Variants in ITIH6 observed in about 807,000 individuals in gnomAD.
ITIH6 encodes the protein inter-alpha-trypsin inhibitor heavy chain family member 6, also known as inter-alpha-trypsin inhibitor heavy chain H6.
A neutral mutation model predicts 58.2 loss-of-function variants in ITIH6; 60 were observed. The observed-to-expected ratio is 1.03, with a 90% CI of 0.84 to 1.28. The LOEUF (loss-of-function observed/expected upper bound fraction) is 1.28, where lower values mean the gene tolerates loss of function less well. Among genes scored for constraint, ITIH6 ranks in the 50% most tolerant of loss-of-function variants. The probability of loss-of-function intolerance (pLI) is 0.00; values close to 1 mark genes in which losing one functional copy is unlikely to be tolerated. For missense variants in ITIH6, 1,290 were observed against 1,021.1 expected (o/e 1.26, Z -3.59); for synonymous variants, 493 against 417.4 (o/e 1.18, Z -2.21).
At position 54,757,068 on chromosome X, in the gene ITIH6, G is replaced by T; in HGVS notation, c.3006C>A (p.Leu1002=). Residue 1002 remains leucine, a synonymous_variant, in exon 8 of 13, where the codon CTC becomes CTA. Transcript: ENST00000218436. ...CAGACAGCAGCTCTAGCTCCTCAGGGAGAAGGAGCAGACTGATGGCCTCAG... is the reference window on the plus strand; with the variant it reads ...CAGACAGCAGCTCTAGCTCCTCAGGTAGAAGGAGCAGACTGATGGCCTCAG... ...ILPEAISLLL[L]PEELELLSES... is the part of the protein sequence containing the mutation. 1 of 1,210,388 alleles carries T rather than the reference G, an allele frequency of 8.3e-7. No homozygotes were observed. The highest frequency in any genetic ancestry group is 1.1e-6 in the Non-Finnish European group (1 of 894,260).
intron 5 of ITIH6, among the ~76,000 whole-genome samples, chrX:54,775,851 G>A (rs1929039836): frequency 9.0e-6 from 1 of 111,577 alleles, no homozygotes; most frequent in African/African-American, 3.3e-5. Flanking sequence ...AAACTCAATG[G>A]CTGGAAGATG....
intron 6 of ITIH6, among the ~76,000 whole-genome samples, chrX:54,761,210 A>C (rs1385804384): frequency 1.8e-5 from 2 of 111,975 alleles, no homozygotes; most frequent in East Asian, 2.8e-4. Flanking sequence ...ATTTTTTCAT[A>C]TGTCTGTTGG....
In ITIH6 at chrX:54,757,028, A is replaced by T. The variant is rs1312403673; in HGVS notation, c.3046T>A (p.Ser1016Thr). The part of the protein sequence containing the change: ...LELLSESMVE[S>T]KFVESLNPPA... ...GGGTTCAAGGACTCCACGAACTTGG[A>T]TTCCACCATTGATTCAGACAGCAGC... Residue 1016 changes from serine to threonine, a missense_variant, in exon 8 of 13, where the codon TCC (serine) becomes ACC (threonine). Ser to Thr is a moderately conservative substitution (Grantham distance 58). Transcript: ENST00000218436. 6.6e-6 allele frequency: 8 copies of T among 1,210,426 alleles called. No individual in the cohort carries two copies. Among genetic ancestry groups the T allele is most frequent in the Non-Finnish European group, 7.8e-6 (7 of 894,918 alleles).
At chrX:54,784,249 C>T (rs143221407) in intron 5 of ITIH6, among the ~76,000 whole-genome samples, 2,081 of 111,647 alleles carry the variant, frequency 0.019, 37 homozygotes, top group African/African-American at 0.062. Context: ...TACAAGAAAA[C>T]CTTGGGAAAA....
intron 6 of ITIH6, 110 bp from the exon 7 acceptor site, chrX:54,760,037 ACT>A (rs1048763205): frequency 1.9e-5 from 11 of 593,206 alleles, no homozygotes; most frequent in Admixed American, 1.3e-4. Context: ...TGGTTTTAAG[ACT>A]CTCTGACTGC....
rs764024559 is a variant in ITIH6, at chrX:54,757,934, C to T, written c.2140G>A (p.Gly714Ser). 12 of 1,209,906 alleles carry T rather than the reference C, an allele frequency of 9.9e-6. No individual in the cohort carries two copies. The Middle Eastern group carries it at 6.9e-4, about 69-fold the overall frequency. ...KAKIPAQQDS[G>S]TLAQPTLRTK... ...CTGAGAGTTGGCTGGGCCAAGGTGC[C>T]AGAATCCTGTTGTGCTGGAATTTTG... The change falls in exon 8 of 13, where the codon GGC becomes AGC. Residue 714 changes from glycine to serine, a missense_variant. By Grantham distance (56) the Gly-to-Ser change is moderately conservative (BLOSUM62 0). Transcript: ENST00000218436.
chrX:54,777,598 C>T (rs1472240771), intron 5 of ITIH6, among the ~76,000 whole-genome samples: 1 of 110,420 alleles, frequency 9.1e-6, no homozygotes, highest in East Asian at 2.8e-4. Context: ...TCAGGTGGCT[C>T]ACAACAGAGA....
chrX:54,779,161 G>T (rs932084380), intron 5 of ITIH6, among the ~76,000 whole-genome samples: 3 of 112,027 alleles, frequency 2.7e-5, no homozygotes, highest in African/African-American at 9.7e-5. Context: ...GACAGTAAAG[G>T]ATGTTACTGA....
Position 54,797,105 on chromosome X carries a change from G to A in ITIH6, c.103-9C>T. ...TAGCTTGTCATTAACAACTGAGAGA[G>A]AAGACAGGAGGAGGTGTTTTAGGTA... On this transcript the variant is annotated splice_polypyrimidine_tract_variant and intron_variant, in intron 1 of 12. Transcript: ENST00000218436. 8.3e-7 allele frequency: 1 copy of A among 1,204,996 alleles called. No individual in the cohort carries two copies. The highest frequency in any genetic ancestry group is 1.1e-6 in the Non-Finnish European group (1 of 890,857).
In ITIH6 at chrX:54,756,964, C is replaced by G. The variant is rs1017958759; in HGVS notation, c.3109+1G>C. ...CTCGACCTCTTACCCATGGCACTCACCATCTTCATCAGGAGTGAGGAAGGT... is the reference window on the plus strand; with the variant it reads ...CTCGACCTCTTACCCATGGCACTCAGCATCTTCATCAGGAGTGAGGAAGGT... On this transcript the variant is annotated splice_donor_variant, in intron 8 of 12. Coordinates refer to ENST00000218436, the MANE Select transcript of ITIH6 (RefSeq NM_198510.3). LOFTEE classifies it high-confidence loss of function. The G allele has an allele frequency of 3.5e-6, 4 of 1,151,729 alleles. No individual in the cohort carries two copies. The African/African-American group carries it at 7.1e-5, about 20-fold the overall frequency. The allele number at this position is 1,151,729 out of a possible 1,213,427, so 94.9% of individuals were successfully genotyped here. A position where few individuals can be genotyped will look rare whatever the true frequency, so the allele number is the denominator to read the frequency against.
rs150808911 is a variant in ITIH6 at position 54,758,925 on chromosome X, G to A, written c.1149C>T (p.Gly383=). The change falls in exon 8 of 13, where the codon GGC becomes GGT. Residue 383 remains glycine (G), a synonymous_variant. Transcript: ENST00000218436. The part of the protein sequence containing the change: ...LNHSNQEPGR[G]PSVGRIPLII... Reference sequence around the variant, plus strand: ...TAAGAGGGATCCTCCCCACACTGGGGCCCCTCCCAGGCTCCTGGTTGCTAT... The same window carrying A: ...TAAGAGGGATCCTCCCCACACTGGGACCCCTCCCAGGCTCCTGGTTGCTAT... 3.1e-5 allele frequency: 37 copies of A among 1,203,685 alleles called. 1 individual carries two copies. In the African/African-American group the frequency reaches 4.2e-4, roughly 14 times the overall value.
intron 6 of ITIH6, among the ~76,000 whole-genome samples, chrX:54,768,600 C>T (rs920958095): frequency 6.5e-5 from 7 of 108,445 alleles, no homozygotes; most frequent in Non-Finnish European, 9.5e-5. Context: ...GTGACAAAAT[C>T]GGTCAGCATT....
chrX:54,766,186 C>G (rs1928780795), intron 6 of ITIH6, among the ~76,000 whole-genome samples: 1 of 110,253 alleles, frequency 9.1e-6, no homozygotes, highest in South Asian at 4.0e-4. Context: ...TGATTTGGCT[C>G]TCTGTCTGTT....
rs751637205 is a variant in ITIH6 at position 54,790,392 on chromosome X, C to A, written c.616+445G>T. ...AGCAAACTTCTGAGGCAGGATGCTT[C>A]TCTTCCCTCCAGGGCCTGAGATGGT... On this transcript the variant is annotated intron_variant, in intron 4 of 12. Coordinates refer to ENST00000218436, the MANE Select transcript of ITIH6 (RefSeq NM_198510.3). 6.2e-5 allele frequency among the ~76,000 whole-genome samples: 7 copies of A among 112,367 alleles called. No individual in the cohort carries two copies. In the South Asian group the frequency reaches 2.6e-3, roughly 42 times the overall value.
chrX:54,760,572 A>T (rs1036556396), intron 6 of ITIH6, among the ~76,000 whole-genome samples: 1 of 111,332 alleles, frequency 9.0e-6, no homozygotes, highest in African/African-American at 3.3e-5. Context: ...TATATCTCCT[A>T]ATGCTATCCT....
intron 6 of ITIH6, among the ~76,000 whole-genome samples, chrX:54,770,046 G>T (rs1211936949): frequency 8.9e-6 from 1 of 111,964 alleles, no homozygotes; most frequent in Non-Finnish European, 1.9e-5. Flanking sequence ...GTGGGCGTAG[G>T]ACCCTCCGAG....
intron 6 of ITIH6, among the ~76,000 whole-genome samples, chrX:54,773,320 G>T (rs1301262308): frequency 3.6e-5 from 4 of 111,486 alleles, no homozygotes; most frequent in African/African-American, 1.3e-4. Context: ...CTGGATTTGG[G>T]GAGATCCCTC....
At chrX:54,796,670 C>G (rs1431397064) in intron 2 of ITIH6, among the ~76,000 whole-genome samples, 1 of 92,124 alleles carries the variant, frequency 1.1e-5, no homozygotes, top group Non-Finnish European at 2.1e-5. Context: ...GGCAACAGAG[C>G]GAGACTCCAT....
At chrX:54,760,026 A>T in intron 6 of ITIH6, 99 bp from the exon 7 acceptor site, 2 of 691,139 alleles carry the variant, frequency 2.9e-6, no homozygotes, top group East Asian at 6.5e-5. Context: ...TAAGTGTTAT[A>T]TGGTTTTAAG....
Sources: gnomAD v4.1 joint callset for allele counts (sites outside exome capture counted in the v4.1 genomes callset) on GRCh38, gnomAD v4.1.1 for gene constraint, MANE v1.5 for transcripts, NCBI Gene and HGNC (gene_info 2026-07-23, HGNC 2026-07-21) for gene names.